Variants in ARPP21 observed in about 807,000 individuals in gnomAD.
The protein encoded by ARPP21 is cAMP regulated phosphoprotein 21.
ARPP21 carries 69 observed loss-of-function variants against 113.2 expected under a neutral mutation model. The ratio of observed to expected loss-of-function variants is 0.61; its 90% CI spans 0.50 to 0.74. The LOEUF (loss-of-function observed/expected upper bound fraction) is 0.74, where lower values mean the gene tolerates loss of function less well. ARPP21 is among the 30% of genes least tolerant of loss of function. ARPP21 has a pLI of 0.00. For missense variants in ARPP21, 1,070 were observed against 1,037.4 expected, an observed-to-expected ratio of 1.03 and a Z score of -0.43; for synonymous variants, 368 against 375.5, an observed-to-expected ratio of 0.98 and a Z score of 0.23.
intron 9 of ARPP21, among the ~76,000 whole-genome samples, chr3:35,696,769 A>C (rs1427642802): frequency 2.6e-5 from 4 of 151,582 alleles, no homozygotes; most frequent in African/African-American, 4.8e-5. Flanking sequence ...TTTAGGATTT[A>C]GGTTAAAAAT....
At chr3:35,720,891 T>C (rs1282950663) in intron 13 of ARPP21, among the ~76,000 whole-genome samples, 1 of 152,204 alleles carries the variant, frequency 6.6e-6, no homozygotes, top group African/African-American at 2.4e-5. Context: ...ATTTCCATTG[T>C]TCCCCTTGGA....
intron 19 of ARPP21, among the ~76,000 whole-genome samples, chr3:35,756,673 CT>C (rs538962900): frequency 5.4e-4 from 82 of 152,222 alleles, no homozygotes; most frequent in African/African-American, 1.9e-3. Context: ...ACTTGTAATT[CT>C]CCCAGATGCT....
Position 35,737,358 on chromosome 3 carries a change from C to T in ARPP21, c.1640C>T (p.Thr547Ile), listed in dbSNP as rs1205955671. The change falls in exon 16 of 21, where the codon ACT becomes ATT. Residue 547 changes from threonine to isoleucine, a missense_variant. Physicochemically the swap from Thr to Ile is moderately conservative, Grantham distance 89. Transcript: ENST00000684406. ...PQPQMAGPLV[T>I]QSVQGLQASS... ...CCACAGATGGCAGGCCCTCTGGTCA[C>T]TCAGGTAGGGGGCTGGTTGGAAGGC... 6.2e-7 allele frequency: 1 copy of T among 1,605,870 alleles called. No individual in the cohort carries two copies. Among genetic ancestry groups the T allele is most frequent in the South Asian group, 1.1e-5 (1 of 89,748 alleles).
chr3:35,704,812 G>T (rs1465797199), intron 9 of ARPP21, among the ~76,000 whole-genome samples: 1 of 151,964 alleles, frequency 6.6e-6, no homozygotes, highest in African/African-American at 2.4e-5. Flanking sequence ...ACCAGGCATG[G>T]TTCTAGGCAC....
chr3:35,679,366 C>T (rs974988357), intron 1 of ARPP21, among the ~76,000 whole-genome samples: 3 of 151,592 alleles, frequency 2.0e-5, no homozygotes, highest in Non-Finnish European at 4.4e-5. Context: ...ACATAAACAG[C>T]ATTAAAATGT....
At chr3:35,675,720 A>T (rs368859060) in intron 1 of ARPP21, among the ~76,000 whole-genome samples, 1 of 151,968 alleles carries the variant, frequency 6.6e-6, no homozygotes, top group East Asian at 1.9e-4. Flanking sequence ...CATTTTCTCT[A>T]TCTAACCTTT....
chr3:35,774,181 CT>C (rs1237574824), intron 19 of ARPP21, among the ~76,000 whole-genome samples: 4 of 152,152 alleles, frequency 2.6e-5, no homozygotes, highest in African/African-American at 9.7e-5. Flanking sequence ...ACTCGGGAGG[CT>C]GAGGCAGGAG....
At chr3:35,694,275 G>A (rs935153403) in intron 9 of ARPP21, among the ~76,000 whole-genome samples, 8 of 151,354 alleles carry the variant, frequency 5.3e-5, no homozygotes, top group Non-Finnish European at 8.9e-5. Flanking sequence ...CTGACCTCTG[G>A]TATTTTTAAT....
At chr3:35,776,807 C>G (rs1253226686) in intron 19 of ARPP21, among the ~76,000 whole-genome samples, 2 of 152,064 alleles carry the variant, frequency 1.3e-5, no homozygotes, top group African/African-American at 2.4e-5. Flanking sequence ...AATCACTGCT[C>G]TCCCAGGGAT....
intron 1 of ARPP21, among the ~76,000 whole-genome samples, chr3:35,675,547 T>C (rs1408776169): frequency 1.3e-5 from 2 of 151,868 alleles, no homozygotes; most frequent in African/African-American, 4.8e-5. Flanking sequence ...GACATCCTGA[T>C]GTTTGTATTG....
At position 35,681,818 on chromosome 3, in the gene ARPP21, A is replaced by T; in HGVS notation, c.67A>T (p.Thr23Ser). The change falls in exon 3 of 21, where the codon ACT (threonine) becomes TCT (serine). Residue 23 changes from threonine (T) to serine (S), a missense_variant. Transcript: ENST00000684406. ...AGGAGGGACTGAGCAGGAGACGGCC[A>T]CTCCAGAGAACGGCATTGTTAAATC... Reference protein sequence around the residue: ...EEGGTEQETATPENGIVKSES... With the variant: ...EEGGTEQETASPENGIVKSES... 1.9e-6 allele frequency: 3 copies of T among 1,611,882 alleles called. No homozygotes were observed. Among genetic ancestry groups the T allele is most frequent in the Non-Finnish European group, 1.7e-6 (2 of 1,178,552 alleles).
intron 9 of ARPP21, among the ~76,000 whole-genome samples, chr3:35,698,297 A>G (rs768014252): frequency 1.3e-4 from 20 of 151,562 alleles, no homozygotes; most frequent in Non-Finnish European, 2.7e-4. Flanking sequence ...GGTAAATACT[A>G]GAAATATACC....
chr3:35,725,077 G>A (rs1485255680), intron 14 of ARPP21, among the ~76,000 whole-genome samples: 4 of 152,156 alleles, frequency 2.6e-5, no homozygotes, highest in Non-Finnish European at 5.9e-5. Flanking sequence ...CGAAAAGCAG[G>A]AGACTCTTCA....
At chr3:35,667,849 A>AGAG (rs772450461) in intron 1 of ARPP21, among the ~76,000 whole-genome samples, 2 of 87,780 alleles carry the variant, frequency 2.3e-5, no homozygotes, top group Non-Finnish European at 4.2e-5. Flanking sequence ...TCAAAGAAGA[A>AGAG]GAAGAAGAAG....
chr3:35,712,488 C>T, intron 11 of ARPP21, among the ~76,000 whole-genome samples: 1 of 143,924 alleles, frequency 6.9e-6, no homozygotes, highest in South Asian at 2.2e-4. Flanking sequence ...GAATATTTTC[C>T]AAATATATCT....
chr3:35,684,933 T>C, intron 5 of ARPP21: 1 of 985,138 alleles, frequency 1.0e-6, no homozygotes, highest in Non-Finnish European at 1.2e-6. Context: ...TGTGTGGCTT[T>C]CCTTCAGCAT....
chr3:35,682,045 C>A (rs1328845960), intron 3 of ARPP21, among the ~76,000 whole-genome samples, 165 bp downstream of exon 3: 1 of 151,810 alleles, frequency 6.6e-6, no homozygotes, highest in Non-Finnish European at 1.5e-5. Context: ...TTTGTCCTAA[C>A]CCAACCGTGC....
chr3:35,749,465 CCTATGTGTGTT>C (rs899863888), intron 19 of ARPP21, among the ~76,000 whole-genome samples: 18 of 133,916 alleles, frequency 1.3e-4, no homozygotes, highest in East Asian at 6.3e-4. Flanking sequence ...CTTATAAAAT[CCTATGTGTGTT>C]CTATGTGTGT....
chr3:35,684,412 T>C, intron 5 of ARPP21: 1 of 976,140 alleles, frequency 1.0e-6, no homozygotes, highest in Non-Finnish European at 1.2e-6. Flanking sequence ...CCCTTATTTT[T>C]GCTCCTTACA....
Sources: allele counts gnomAD v4.1 joint callset (sites outside exome capture counted in the v4.1 genomes callset), GRCh38; gene constraint gnomAD v4.1.1; transcripts MANE v1.5; gene names NCBI Gene and HGNC (gene_info 2026-07-23, HGNC 2026-07-21).